SNCB: variants seen among roughly 807,000 people sequenced by gnomAD.
SNCB encodes the protein beta-synuclein.
SNCB carries 8 observed loss-of-function variants against 20.0 expected under a neutral mutation model. That is an observed-to-expected ratio of 0.40 (90% CI 0.24 to 0.72). SNCB has a LOEUF of 0.72. Ranked by LOEUF, SNCB falls within the 30% of genes least tolerant of loss-of-function variation. The pLI, the probability that SNCB is intolerant of heterozygous loss-of-function variation, is 0.37. For missense variants in SNCB, 125 were observed against 168.0 expected (o/e 0.74, Z 1.41); for synonymous variants, 56 against 65.4 (o/e 0.86, Z 0.69).
At position 176,629,861 on chromosome 5, in the gene SNCB, A is replaced by G. The variant is rs1760253215; in HGVS notation, c.-9-198T>C. Reference sequence around the variant, plus strand: ...CCGCGGAGAGTCCTAGCGTCCTTGAAACCTGGGGACGCGGGAGGGGCCACT... The same window carrying G: ...CCGCGGAGAGTCCTAGCGTCCTTGAGACCTGGGGACGCGGGAGGGGCCACT... On this transcript the variant is annotated intron_variant, in intron 1 of 5. Transcript: ENST00000393693. The surrounding 1 kb of genome is among the most constrained non-coding windows in gnomAD (Gnocchi z 4.1). 1.5e-6 allele frequency: 1 copy of G among 659,806 alleles called. No homozygotes were observed. Among genetic ancestry groups the G allele is most frequent in the Non-Finnish European group, 2.4e-6 (1 of 425,104 alleles). The allele number at this position is 659,806 out of a possible 1,614,324, so 40.9% of individuals were successfully genotyped here. A position where few individuals can be genotyped will look rare whatever the true frequency, so the allele number is the denominator to read the frequency against.
At chr5:176,627,628 G>T (rs1760051130) in intron 2 of SNCB, among the ~76,000 whole-genome samples, 2 of 151,864 alleles carry the variant, frequency 1.3e-5, no homozygotes, top group African/African-American at 2.4e-5. Flanking sequence ...GATGGAGCCA[G>T]AACTGGGTGT....
rs979628569 is a variant in SNCB at position 176,624,697 on chromosome 5, G to A, written c.282+1701C>T. Among the ~76,000 whole-genome samples, 6 of 151,650 alleles carry A rather than the reference G, an allele frequency of 4.0e-5. No homozygotes were observed. The South Asian group carries it at 1.2e-3, about 31-fold the overall frequency. On this transcript the variant is annotated intron_variant, in intron 4 of 5. Transcript: ENST00000393693. ...GGTGCCTGTAATTCCAGCAACTTGG[G>A]AGGCTGAGGCAGGAGAATTGCTAGA...
intron 2 of SNCB, among the ~76,000 whole-genome samples, chr5:176,627,916 G>A (rs909029627): frequency 3.9e-5 from 6 of 152,226 alleles, no homozygotes; most frequent in African/African-American, 1.2e-4. Flanking sequence ...TATGTGAGGA[G>A]GGAAGGGACA....
At position 176,621,375 on chromosome 5, in the gene SNCB, T is replaced by G; in HGVS notation, c.283-72A>C. On this transcript the variant is annotated intron_variant, in intron 4 of 5. Coordinates refer to ENST00000393693, the MANE Select transcript of SNCB (RefSeq NM_003085.5). This position sits in a 1 kb window ranked among gnomAD's most constrained non-coding sequence, Gnocchi z 4.1. ...CCCAAATTCCCACAGTGGTAAGCTT[T>G]GGGTGGGTTGGAGTGGGGAAGGCTA... The G allele has an allele frequency of 7.7e-7, 1 of 1,297,918 alleles. No individual in the cohort carries two copies. Among genetic ancestry groups the G allele is most frequent in the Non-Finnish European group, 1.1e-6 (1 of 907,546 alleles). 80.4% of individuals were successfully genotyped at this position (1,297,918 alleles called of 1,614,324 possible). A position where few individuals can be genotyped will look rare whatever the true frequency, so the allele number is the denominator to read the frequency against.
At position 176,621,437 on chromosome 5, in the gene SNCB, G is replaced by C; in HGVS notation, c.283-134C>G. 2.7e-6 allele frequency: 2 copies of C among 742,532 alleles called. No individual in the cohort carries two copies. The highest frequency in any genetic ancestry group is 4.0e-5 in the Admixed American group (2 of 49,800). 46.0% of individuals were successfully genotyped at this position (742,532 alleles called of 1,614,324 possible). ...CAGAGCAAGGATAATTTCTAATTCAGTTATTTATTTGGAGTGCCTTGGAAG... is the reference window on the plus strand; with the variant it reads ...CAGAGCAAGGATAATTTCTAATTCACTTATTTATTTGGAGTGCCTTGGAAG... On this transcript the variant is annotated intron_variant, in intron 4 of 5. Transcript: ENST00000393693. This position sits in a 1 kb window ranked among gnomAD's most constrained non-coding sequence, Gnocchi z 4.1.
rs767759296 is a variant in SNCB at position 176,629,486 on chromosome 5, C to T, written c.121+48G>A. ...GGACCCGGCCCCAGCTCCACACTGT[C>T]GGGGGACCCCCAGCCCTGCAGCCCC... is the stretch of plus-strand genomic sequence containing the variant. On this transcript the variant is annotated intron_variant, in intron 2 of 5. Transcript: ENST00000393693. The surrounding 1 kb of genome is among the most constrained non-coding windows in gnomAD (Gnocchi z 4.1). 2 of 1,600,950 alleles carry T rather than the reference C, an allele frequency of 1.2e-6. No individual in the cohort carries two copies. The highest frequency in any genetic ancestry group is 2.3e-5 in the East Asian group (1 of 44,402).
At position 176,629,466 on chromosome 5, in the gene SNCB, C is replaced by T. The variant is rs921488943; in HGVS notation, c.121+68G>A. On this transcript the variant is annotated intron_variant, in intron 2 of 5. Coordinates refer to ENST00000393693, the MANE Select transcript of SNCB (RefSeq NM_003085.5). The surrounding 1 kb of genome is among the most constrained non-coding windows in gnomAD (Gnocchi z 4.1). ...GCCCAGAACCCCCCTCCCCGGGACC[C>T]GGCCCCAGCTCCACACTGTCGGGGG... is the stretch of plus-strand genomic sequence containing the variant. The T allele has an allele frequency of 1.9e-6, 3 of 1,562,662 alleles. No individual in the cohort carries two copies. In the African/African-American group the frequency reaches 4.1e-5, roughly 21 times the overall value.
chr5:176,627,074 G>C (rs1313822184), intron 2 of SNCB, among the ~76,000 whole-genome samples: 1 of 152,220 alleles, frequency 6.6e-6, no homozygotes, highest in Non-Finnish European at 1.5e-5. Context: ...CCAGCCCTGG[G>C]AGGCGGGTGC....
chr5:176,626,691 A>G lies in SNCB; in HGVS notation c.163+29T>C. 1 of 1,612,708 alleles carries G rather than the reference A, an allele frequency of 6.2e-7. No homozygotes were observed. Among genetic ancestry groups the G allele is most frequent in the Admixed American group, 1.7e-5 (1 of 59,980 alleles). On this transcript the variant is annotated intron_variant, in intron 3 of 5. Coordinates refer to ENST00000393693, the MANE Select transcript of SNCB (RefSeq NM_003085.5). This position sits in a 1 kb window ranked among gnomAD's most constrained non-coding sequence, Gnocchi z 4.2. ...GCCAGATCATCCGCCTAAGTGAGAG[A>G]AGGGCTGGTGCCAGGGCTGGGCTAG...
At position 176,621,217 on chromosome 5, in the gene SNCB, G is replaced by C. The variant is rs149810240; in HGVS notation, c.369C>G (p.Pro123=). ...EPEGESYEDP[P]QEEYQEYEPE... Reference sequence around the variant, plus strand: ...CCCAGCCCTGCTGCCCCCTCACCTGGGGTGGGTCCTCATAACTCTCCCCTT... The same window carrying C: ...CCCAGCCCTGCTGCCCCCTCACCTGCGGTGGGTCCTCATAACTCTCCCCTT... Residue 123 remains proline, a synonymous_variant, in exon 5 of 6, where the codon CCC becomes CCG. Transcript: ENST00000393693. The surrounding 1 kb of genome is among the most constrained non-coding windows in gnomAD (Gnocchi z 4.1). 34 of 1,611,864 alleles carry C rather than the reference G, an allele frequency of 2.1e-5. No homozygotes were observed. Among genetic ancestry groups the C allele is most frequent in the Non-Finnish European group, 1.4e-5 (17 of 1,178,758 alleles).
intron 4 of SNCB, among the ~76,000 whole-genome samples, chr5:176,624,032 C>T (rs1013719109): frequency 5.3e-5 from 8 of 152,182 alleles, no homozygotes; most frequent in Admixed American, 1.3e-4. Context: ...TCCCCCATGC[C>T]GCTGGTGGCC....
At position 176,629,386 on chromosome 5, in the gene SNCB, T is replaced by C. The variant is rs956689685; in HGVS notation, c.121+148A>G. ...CAGACCCAGGCTTCTATGGGCTGGC[T>C]ATGTCCCCTATGACCCCTGCTGACC... On this transcript the variant is annotated intron_variant, in intron 2 of 5. Coordinates refer to ENST00000393693, the MANE Select transcript of SNCB (RefSeq NM_003085.5). This position sits in a 1 kb window ranked among gnomAD's most constrained non-coding sequence, Gnocchi z 4.1. 1 of 822,086 alleles carries C rather than the reference T, an allele frequency of 1.2e-6. No individual in the cohort carries two copies. The highest frequency in any genetic ancestry group is 1.9e-6 in the Non-Finnish European group (1 of 516,872). The allele number at this position is 822,086 out of a possible 1,614,324, so 50.9% of individuals were successfully genotyped here. A position where few individuals can be genotyped will look rare whatever the true frequency, so the allele number is the denominator to read the frequency against.
At position 176,620,744 on chromosome 5, in the gene SNCB, C is replaced by T. The variant is rs1428757246; in HGVS notation, c.*67G>A. The T allele has an allele frequency of 9.0e-7, 1 of 1,113,350 alleles. No individual in the cohort carries two copies. The highest frequency in any genetic ancestry group is 1.5e-5 in the African/African-American group (1 of 64,994). The allele number at this position is 1,113,350 out of a possible 1,614,324, so 69.0% of individuals were successfully genotyped here. On this transcript the variant is annotated 3_prime_UTR_variant, in exon 6 of 6. Coordinates refer to ENST00000393693, the MANE Select transcript of SNCB (RefSeq NM_003085.5). The surrounding 1 kb of genome is among the most constrained non-coding windows in gnomAD (Gnocchi z 4.5). ...GGGGAGAAGGAGTCTAAGGACAGCC[C>T]TGGCTCTGGGGGGCGGGGCAGGGAC...
In SNCB at chr5:176,626,716, G is replaced by T; in HGVS notation, c.163+4C>A. ...AAGGGCTGGTGCCAGGGCTGGGCTA[G>T]TACCTGAAGCCACACCTTGTACCAC... On this transcript the variant is annotated splice_donor_region_variant and intron_variant, in intron 3 of 5. Transcript: ENST00000393693. The surrounding 1 kb of genome is among the most constrained non-coding windows in gnomAD (Gnocchi z 4.2). 6.2e-7 allele frequency: 1 copy of T among 1,614,046 alleles called. No homozygotes were observed. The highest frequency in any genetic ancestry group is 8.5e-7 in the Non-Finnish European group (1 of 1,179,946).
At chr5:176,623,873 G>A (rs933750408) in intron 4 of SNCB, among the ~76,000 whole-genome samples, 1 of 152,102 alleles carries the variant, frequency 6.6e-6, no homozygotes, top group Admixed American at 6.6e-5. Flanking sequence ...CTGGCCACCT[G>A]GTAGCTACCT....
At chr5:176,622,492 C>CAAAAT (rs1326488674) in intron 4 of SNCB, among the ~76,000 whole-genome samples, 2 of 144,904 alleles carry the variant, frequency 1.4e-5, no homozygotes, top group East Asian at 4.0e-4. Flanking sequence ...TCCATCTCAA[C>CAAAAT]AAAACAAAAC....
Position 176,621,117 on chromosome 5 carries a change from C to A in SNCB, c.372+97G>T. 9.6e-7 allele frequency: 1 copy of A among 1,041,644 alleles called. No homozygotes were observed. 64.5% of individuals were successfully genotyped at this position (1,041,644 alleles called of 1,614,324 possible). A position where few individuals can be genotyped will look rare whatever the true frequency, so the allele number is the denominator to read the frequency against. ...AGAAGAGGGATGTCAAGCTCCCTGG[C>A]CCAACCATCTCATGCCAGGGATGTC... On this transcript the variant is annotated intron_variant, in intron 5 of 5. Coordinates refer to ENST00000393693, the MANE Select transcript of SNCB (RefSeq NM_003085.5). The surrounding 1 kb of genome is among the most constrained non-coding windows in gnomAD (Gnocchi z 4.1).
rs1759482659 is a variant in SNCB at position 176,620,141 on chromosome 5, T to G, written c.*670A>C. On this transcript the variant is annotated 3_prime_UTR_variant, in exon 6 of 6. Transcript: ENST00000393693. This position sits in a 1 kb window ranked among gnomAD's most constrained non-coding sequence, Gnocchi z 4.5. ...GAGCACAGAGGGGTAGGCTGGGACC[T>G]GGAAGACTCGCCGCCACGTGTCGCC... The G allele has an allele frequency of 6.5e-6, 1 of 154,240 alleles. No individual in the cohort carries two copies. The allele number at this position is 154,240 out of a possible 1,614,324, so 9.6% of individuals were successfully genotyped here.
Position 176,626,725 on chromosome 5 carries a change from G to A in SNCB, c.158C>T (p.Ala53Val). The A allele has an allele frequency of 6.2e-7, 1 of 1,614,078 alleles. No individual in the cohort carries two copies. Among genetic ancestry groups the A allele is most frequent in the Non-Finnish European group, 8.5e-7 (1 of 1,179,992 alleles). The change falls in exon 3 of 6, where the codon GCT becomes GTT. Residue 53 changes from alanine (A) to valine (V), a missense_variant. Physicochemically the swap from Ala to Val is moderately conservative, Grantham distance 64. Coordinates refer to ENST00000393693, the MANE Select transcript of SNCB (RefSeq NM_003085.5). This position sits in a 1 kb window ranked among gnomAD's most constrained non-coding sequence, Gnocchi z 4.2. ...KTREGVVQGVASVAEKTKEQA... is the reference protein window; with the variant it reads ...KTREGVVQGVVSVAEKTKEQA... ...TGCCAGGGCTGGGCTAGTACCTGAA[G>A]CCACACCTTGTACCACACCTTCTCG...
Sources: allele counts gnomAD v4.1 joint callset (sites outside exome capture counted in the v4.1 genomes callset), GRCh38; gene constraint gnomAD v4.1.1; non-coding constraint Gnocchi (gnomAD v3.1); transcripts MANE v1.5; gene names NCBI Gene and HGNC (gene_info 2026-07-23, HGNC 2026-07-21).